Variants in MAP4 observed in about 807,000 individuals in gnomAD.
MAP4 encodes microtubule associated protein 4.
MAP4 carries 76 observed loss-of-function variants against 170.2 expected under a neutral mutation model. The observed-to-expected ratio is 0.45, with a 90% CI of 0.37 to 0.54. MAP4 has a LOEUF of 0.54. Among genes scored for constraint, MAP4 ranks in the 20% least tolerant of loss-of-function variants. MAP4 has a pLI of 0.00. For missense variants in MAP4, 2,506 were observed against 2,748.0 expected, an observed-to-expected ratio of 0.91 and a Z score of 1.97; for synonymous variants, 909 against 994.5, an observed-to-expected ratio of 0.91 and a Z score of 1.62.
At chr3:47,876,951 G>A (rs1386249552) in intron 11 of MAP4, 2 of 149,268 alleles carry the variant, frequency 1.3e-5, no homozygotes, top group African/African-American at 2.5e-5. Flanking sequence ...GCATGATCTC[G>A]GCTCACCGCA....
At chr3:47,907,571 T>C (rs2100033820) in intron 9 of MAP4, among the ~76,000 whole-genome samples, 1 of 152,232 alleles carries the variant, frequency 6.6e-6, no homozygotes, top group East Asian at 1.9e-4. Context: ...GAGCCTGACC[T>C]GACCCAGGCA....
At chr3:47,922,832 G>A (rs1014034550) in intron 4 of MAP4, among the ~76,000 whole-genome samples, 3 of 152,124 alleles carry the variant, frequency 2.0e-5, no homozygotes, top group East Asian at 1.9e-4. Context: ...GGCGGATCAC[G>A]AGGTCTGGAG....
At chr3:47,975,283 G>A (rs2100081304) in intron 3 of MAP4, 1 of 1,470,408 alleles carries the variant, frequency 6.8e-7, no homozygotes, top group Non-Finnish European at 9.0e-7. Context: ...GAAGCAGGTT[G>A]TTTGCTCAGG....
Position 47,910,683 on chromosome 3 carries a change from C to T in MAP4, c.3738G>A (p.Lys1246=). ...GGGGAATACTACCAGTATCTCCATC[C>T]TTCCCTTCAAAAGGTGGGTTAAGGA... The part of the protein sequence containing the change: ...EEILNPPFEG[K]DGDTGSIPHK... Residue 1246 remains lysine (K), a synonymous_variant, in exon 9 of 21, where the codon AAG becomes AAA. Coordinates refer to ENST00000683076, the MANE Select transcript of MAP4 (RefSeq NM_001385682.1). The T allele has an allele frequency of 6.5e-7, 1 of 1,536,094 alleles. No homozygotes were observed. Among genetic ancestry groups the T allele is most frequent in the South Asian group, 1.2e-5 (1 of 84,066 alleles).
chr3:47,922,910 C>T (rs777400999), intron 4 of MAP4, among the ~76,000 whole-genome samples: 8 of 152,022 alleles, frequency 5.3e-5, no homozygotes, highest in Non-Finnish European at 8.8e-5. Context: ...ATTAGTCAGG[C>T]GTGGTGGCAC....
intron 10 of MAP4, among the ~76,000 whole-genome samples, chr3:47,897,781 A>G (rs2100027727): frequency 6.6e-6 from 1 of 151,714 alleles, no homozygotes; most frequent in Admixed American, 6.6e-5. Context: ...CACTAAAAAA[A>G]GATACAAAAA....
intron 1 of MAP4, among the ~76,000 whole-genome samples, chr3:48,059,464 G>A (rs975108519): frequency 8.2e-5 from 11 of 134,646 alleles, no homozygotes; most frequent in African/African-American, 3.0e-4. Flanking sequence ...ACAGTGAGCC[G>A]AGATCGTGCC....
At chr3:47,856,542 C>T (rs1355647946) in intron 18 of MAP4, among the ~76,000 whole-genome samples, 1 of 151,926 alleles carries the variant, frequency 6.6e-6, no homozygotes, top group Non-Finnish European at 1.5e-5. Context: ...GTAGTCTCTG[C>T]CTCCTGGGTT....
chr3:48,051,802 C>G (rs1362550903), intron 1 of MAP4, among the ~76,000 whole-genome samples: 3 of 152,128 alleles, frequency 2.0e-5, no homozygotes, highest in African/African-American at 7.2e-5. Context: ...CCCTAAGACT[C>G]TTTTTTCTAT....
intron 3 of MAP4, among the ~76,000 whole-genome samples, chr3:47,972,656 G>A (rs1228226977): frequency 6.6e-6 from 1 of 152,296 alleles, no homozygotes; most frequent in Non-Finnish European, 1.5e-5. Context: ...GGAGGCTAAG[G>A]TGGCCGGATC....
intron 3 of MAP4, among the ~76,000 whole-genome samples, chr3:47,946,392 G>A (rs1487828933): frequency 6.6e-6 from 1 of 151,394 alleles, no homozygotes; most frequent in Non-Finnish European, 1.5e-5. Context: ...GATGGCTCAC[G>A]CCTGTAATCC....
intron 1 of MAP4, among the ~76,000 whole-genome samples, chr3:48,015,657 A>G (rs17079910): frequency 1.3e-5 from 2 of 152,174 alleles, no homozygotes; most frequent in Admixed American, 1.3e-4. Flanking sequence ...GAGGCCTGTT[A>G]TACATCAAGC....
intron 4 of MAP4, among the ~76,000 whole-genome samples, chr3:47,927,227 T>C (rs189166136): frequency 6.6e-5 from 10 of 152,118 alleles, no homozygotes; most frequent in African/African-American, 9.6e-5. Flanking sequence ...AATTACTTTG[T>C]ACCTAGGAAA....
chr3:47,891,194 T>C lies in MAP4; in HGVS notation c.5434+11756A>G. 2.6e-6 allele frequency: 4 copies of C among 1,536,212 alleles called. No homozygotes were observed. In the South Asian group the frequency reaches 4.8e-5, roughly 18 times the overall value. ...ACTAAAATCTTCCTGCCCTTTTTCC[T>C]TGCTGCTTCCTTCAGGAATCTGCTC... On this transcript the variant is annotated intron_variant, in intron 10 of 20. Transcript: ENST00000683076.
chr3:47,870,574 C>G (rs1423397230), intron 15 of MAP4, among the ~76,000 whole-genome samples: 3 of 152,186 alleles, frequency 2.0e-5, no homozygotes, highest in African/African-American at 7.2e-5. Context: ...ACTCAGACCC[C>G]AACATCTAGA....
chr3:47,922,446 A>G (rs2100043472), intron 4 of MAP4, among the ~76,000 whole-genome samples: 1 of 152,202 alleles, frequency 6.6e-6, no homozygotes, highest in African/African-American at 2.4e-5. Context: ...AAGGGCAACT[A>G]ATGCTCAGCT....
At position 47,987,307 on chromosome 3, in the gene MAP4, G is replaced by A. The variant is rs115135788; in HGVS notation, c.224-9374C>T. ...TGCTAGAGCATGTTAATAAGTGTAA[G>A]ATAACAAATAGCTTAATTATGATCT... On this transcript the variant is annotated intron_variant, in intron 2 of 20. Transcript: ENST00000683076. The A allele has an allele frequency of 4.7e-4, 519 of 1,107,720 alleles. No homozygotes were observed. In the African/African-American group the frequency reaches 7.5e-3, roughly 16 times the overall value. The allele number at this position is 1,107,720 out of a possible 1,614,324, so 68.6% of individuals were successfully genotyped here.
At chr3:47,917,299 A>G (rs2100040207) in intron 6 of MAP4, 125 bp from the exon 7 acceptor site, 8 of 776,336 alleles carry the variant, frequency 1.0e-5, no homozygotes, top group South Asian at 7.0e-5. Flanking sequence ...ACTAAGAATT[A>G]ATGTTAGGCC....
chr3:48,016,162 T>C (rs998399090), intron 1 of MAP4, among the ~76,000 whole-genome samples, 172 bp downstream of exon 1: 9 of 152,188 alleles, frequency 5.9e-5, no homozygotes, highest in African/African-American at 1.2e-4. Context: ...CACACTGATA[T>C]AGGTTTAAAG....
Sources: allele counts gnomAD v4.1 joint callset (sites outside exome capture counted in the v4.1 genomes callset), GRCh38; gene constraint gnomAD v4.1.1; transcripts MANE v1.5; gene names NCBI Gene and HGNC (gene_info 2026-07-23, HGNC 2026-07-21).